ZCWPW1: variants seen among roughly 807,000 people sequenced by gnomAD.
The protein encoded by ZCWPW1 is zinc finger CW-type PWWP domain protein 1.
A neutral mutation model predicts 81.3 loss-of-function variants in ZCWPW1; 56 were observed. That is an observed-to-expected ratio of 0.69 (90% confidence interval 0.56 to 0.86). The LOEUF (loss-of-function observed/expected upper bound fraction) is 0.86, where lower values mean the gene tolerates loss of function less well. ZCWPW1 is among the 40% of genes least tolerant of loss of function. ZCWPW1 has a pLI of 0.00. For missense variants in ZCWPW1, 650 were observed against 769.8 expected, an observed-to-expected ratio of 0.84 and a Z score of 1.84; for synonymous variants, 250 against 273.7, an observed-to-expected ratio of 0.91 and a Z score of 0.86.
chr7:100,420,078 G>A (rs578000435), intron 3 of ZCWPW1, among the ~76,000 whole-genome samples, 195 bp from the exon 4 acceptor site: 1 of 152,290 alleles, frequency 6.6e-6, no homozygotes, highest in South Asian at 2.1e-4. Flanking sequence ...GAGAGGCCTA[G>A]CAATCTGTAA....
intron 5 of ZCWPW1, chr7:100,418,802 A>G (rs944732212): frequency 6.4e-6 from 1 of 156,550 alleles, no homozygotes; most frequent in African/African-American, 2.4e-5. Context: ...AAAAAAAAAA[A>G]ATAATAAATA....
At chr7:100,406,126 G>T (rs148728572) in intron 12 of ZCWPW1, among the ~76,000 whole-genome samples, 67 of 152,294 alleles carry the variant, frequency 4.4e-4, no homozygotes, top group African/African-American at 1.6e-3. Flanking sequence ...TTGCAAGGCT[G>T]GTCAAACCCA....
chr7:100,416,208 T>G, intron 7 of ZCWPW1, 97 bp downstream of exon 7: 2 of 1,589,656 alleles, frequency 1.3e-6, no homozygotes, highest in East Asian at 2.2e-5. Flanking sequence ...GTCTCAAGTC[T>G]TGGGCTGAAA....
rs1166022275 is a variant in ZCWPW1, at chr7:100,416,093, A to G, written c.636T>C (p.Asp212=). The change falls in exon 8 of 18, where the codon GAT becomes GAC. Residue 212 remains aspartate, a synonymous_variant. Transcript: ENST00000684423. ...TLSKRKKEAQ[D]EKVEKTQGGH... The stretch of plus-strand genomic sequence containing the variant: ...CACCTTGAGTTTTCTCCACCTTCTC[A>G]TCTTCTGGGAAGAAAAAAGAAAACG... The G allele has an allele frequency of 1.4e-5, 22 of 1,613,060 alleles. No homozygotes were observed. Among genetic ancestry groups the G allele is most frequent in the Non-Finnish European group, 1.9e-5 (22 of 1,179,536 alleles).
intron 3 of ZCWPW1, among the ~76,000 whole-genome samples, 176 bp downstream of exon 3, chr7:100,420,446 C>T (rs558822739): frequency 1.3e-5 from 2 of 152,100 alleles, no homozygotes; most frequent in Non-Finnish European, 2.9e-5. Context: ...ATATGTTCCT[C>T]GAGCAGGACT....
intron 5 of ZCWPW1, 164 bp from the exon 6 acceptor site, chr7:100,417,347 A>G: frequency 1.8e-6 from 1 of 568,200 alleles, no homozygotes; most frequent in Non-Finnish European, 3.1e-6. Context: ...AACTACAAAT[A>G]TGTATCTTTC....
chr7:100,422,492 T>C (rs1175583897), intron 2 of ZCWPW1, among the ~76,000 whole-genome samples: 3 of 152,244 alleles, frequency 2.0e-5, no homozygotes, highest in Non-Finnish European at 4.4e-5. Context: ...CCAAGACTCA[T>C]CTGCGAACAT....
chr7:100,401,944 A>G lies in ZCWPW1; in HGVS notation c.1572T>C (p.Pro524=). 6.2e-7 allele frequency: 1 copy of G among 1,614,166 alleles called. No individual in the cohort carries two copies. The stretch of plus-strand genomic sequence containing the variant: ...CTTCTTTCCTTCCCATTCTGGGTGC[A>G]GGAGGAGCTGTGGATTTCCTGCCTA... ...RSLGRKSTAP[P]APRMGRKEGQ... The change falls in exon 17 of 18, where the codon CCT becomes CCC. Residue 524 remains proline (P), a synonymous_variant. Coordinates refer to ENST00000684423, the MANE Select transcript of ZCWPW1 (RefSeq NM_001386010.1).
intron 8 of ZCWPW1, among the ~76,000 whole-genome samples, chr7:100,415,307 T>G (rs1341634338): frequency 6.6e-6 from 1 of 151,898 alleles, no homozygotes; most frequent in Non-Finnish European, 1.5e-5. Flanking sequence ...GGTCTTGAAC[T>G]CCTGACCTTG....
intron 8 of ZCWPW1, among the ~76,000 whole-genome samples, chr7:100,415,211 T>G (rs532772661): frequency 6.7e-6 from 1 of 149,420 alleles, no homozygotes; most frequent in East Asian, 2.0e-4. Context: ...AGCCTCCAAG[T>G]AACTGAGACT....
At chr7:100,410,642 C>G (rs1443006354) in intron 8 of ZCWPW1, among the ~76,000 whole-genome samples, 1 of 152,258 alleles carries the variant, frequency 6.6e-6, no homozygotes, top group East Asian at 1.9e-4. Context: ...AGTCCCTTGA[C>G]TTTTTTCTTC....
chr7:100,412,040 C>G (rs185521595), intron 8 of ZCWPW1, among the ~76,000 whole-genome samples: 8 of 152,248 alleles, frequency 5.3e-5, no homozygotes, highest in Non-Finnish European at 5.9e-5. Flanking sequence ...ATGTCTCATT[C>G]TCCTGTCCCC....
intron 9 of ZCWPW1, among the ~76,000 whole-genome samples, chr7:100,408,877 G>GAACC: frequency 6.6e-6 from 1 of 151,240 alleles, no homozygotes. Context: ...AATGCAGCTG[G>GAACC]AGGCAGTAGG....
Position 100,419,864 on chromosome 7 carries a change from C to T in ZCWPW1, c.48G>A (p.Lys16=), listed in dbSNP as rs754667888. 6.3e-7 allele frequency: 1 copy of T among 1,579,102 alleles called. No individual in the cohort carries two copies. The highest frequency in any genetic ancestry group is 1.2e-5 in the South Asian group (1 of 85,782). The change falls in exon 4 of 18, where the codon AAG becomes AAA. Residue 16 remains lysine, a synonymous_variant. Transcript: ENST00000684423. ...TTTGTGCAGGTGGGGCAAAGATTCT[C>T]TTTGGTCCCTTTCCACATTCTGAAA... ...QNKEECGKGP[K]RIFAPPAQKS...
intron 5 of ZCWPW1, among the ~76,000 whole-genome samples, chr7:100,417,590 C>G (rs1304299702): frequency 6.6e-6 from 1 of 151,812 alleles, no homozygotes; most frequent in Non-Finnish European, 1.5e-5. Context: ...CGGTGGCATG[C>G]ACCTGTAGTC....
chr7:100,416,257 G>A (rs745864323), intron 7 of ZCWPW1, 48 bp downstream of exon 7: 2 of 1,601,848 alleles, frequency 1.2e-6, no homozygotes, highest in Admixed American at 3.4e-5. Context: ...CTAATTTCCT[G>A]GAGCTAGTAC....
chr7:100,403,216 A>AT (rs11338339), intron 15 of ZCWPW1, among the ~76,000 whole-genome samples: 1,780 of 141,106 alleles, frequency 0.013, 9 homozygotes, highest in African/African-American at 0.017. Flanking sequence ...TGTCTAAACA[A>AT]TTTTTTTTTT....
At chr7:100,420,791 A>G (rs1796213766) in intron 2 of ZCWPW1, 113 bp from the exon 3 acceptor site, 1 of 916,738 alleles carries the variant, frequency 1.1e-6, no homozygotes, top group Non-Finnish European at 1.7e-6. Context: ...AGGTTTCTGC[A>G]TTCTTGACCT....
In ZCWPW1 at chr7:100,405,084, T is replaced by C. The variant is rs763213220; in HGVS notation, c.1183A>G (p.Arg395Gly). Reference protein sequence around the residue: ...SLELSVMKKRRNDCSQKLGVA... With the variant: ...SLELSVMKKRGNDCSQKLGVA... ...CCCAGTTTCTGGCTGCAGTCATTTCTGCGCTTTTTCTGAAATAGAAGATTA... is the reference window on the plus strand; with the variant it reads ...CCCAGTTTCTGGCTGCAGTCATTTCCGCGCTTTTTCTGAAATAGAAGATTA... The change falls in exon 13 of 18, where the codon AGA (arginine) becomes GGA (glycine). Residue 395 changes from arginine to glycine, a missense_variant. Transcript: ENST00000684423. 32 of 1,612,638 alleles carry C rather than the reference T, an allele frequency of 2.0e-5. No homozygotes were observed. The highest frequency in any genetic ancestry group is 2.5e-5 in the Non-Finnish European group (30 of 1,179,434).
Sources: allele counts gnomAD v4.1 joint callset (sites outside exome capture counted in the v4.1 genomes callset), GRCh38; gene constraint gnomAD v4.1.1; transcripts MANE v1.5; gene names NCBI Gene and HGNC (gene_info 2026-07-23, HGNC 2026-07-21).